NOVA1: variants seen among roughly 807,000 people sequenced by gnomAD.
NOVA1 encodes NOVA alternative splicing regulator 1, also known as RNA-binding protein Nova-1.
Under a neutral mutation model 38.0 loss-of-function variants are expected in NOVA1, and 7 were observed. That is an observed-to-expected ratio of 0.18 (90% CI 0.10 to 0.35). The LOEUF (loss-of-function observed/expected upper bound fraction) is 0.35. Among genes scored for constraint, NOVA1 ranks in the 10% least tolerant of loss-of-function variants. NOVA1 has a pLI of 1.00. For synonymous variants in NOVA1, 270 were observed against 232.5 expected, an observed-to-expected ratio of 1.16 and a Z score of -1.47; for missense variants, 460 against 616.0, an observed-to-expected ratio of 0.75 and a Z score of 2.68.
intron 2 of NOVA1, among the ~76,000 whole-genome samples, chr14:26,481,348 G>A (rs1012380344): frequency 1.8e-4 from 27 of 152,144 alleles, no homozygotes; most frequent in Middle Eastern, 3.4e-3. Flanking sequence ...GGACAAATTT[G>A]TGAAACTACA....
intron 2 of NOVA1, among the ~76,000 whole-genome samples, chr14:26,551,186 C>G (rs1297582446): frequency 6.6e-6 from 1 of 151,938 alleles, no homozygotes; most frequent in Non-Finnish European, 1.5e-5. Context: ...GAATTATACT[C>G]AAGAAACCCA....
intron 2 of NOVA1, among the ~76,000 whole-genome samples, chr14:26,494,890 A>G (rs1886641342): frequency 6.6e-6 from 1 of 152,160 alleles, no homozygotes; most frequent in South Asian, 2.1e-4. Flanking sequence ...TGTAAATATT[A>G]TGTAATTTAC....
At chr14:26,542,381 TAC>T (rs1255008744) in intron 2 of NOVA1, among the ~76,000 whole-genome samples, 3 of 151,982 alleles carry the variant, frequency 2.0e-5, no homozygotes, top group Middle Eastern at 3.4e-3. Flanking sequence ...TTTGCCTGAC[TAC>T]ATGTATTAAA....
At chr14:26,452,591 T>C (rs1008658637) in intron 4 of NOVA1, among the ~76,000 whole-genome samples, 1 of 152,244 alleles carries the variant, frequency 6.6e-6, no homozygotes, top group African/African-American at 2.4e-5. Context: ...TATACATGGA[T>C]TCATTTTCAC....
At chr14:26,577,532 G>A (rs1892936074) in intron 2 of NOVA1, among the ~76,000 whole-genome samples, 1 of 152,184 alleles carries the variant, frequency 6.6e-6, no homozygotes, top group Non-Finnish European at 1.5e-5. Flanking sequence ...ACACATAGCA[G>A]AGTGCATTTC....
chr14:26,579,760 A>G (rs768641220), intron 2 of NOVA1, among the ~76,000 whole-genome samples: 1 of 152,148 alleles, frequency 6.6e-6, no homozygotes. Flanking sequence ...GTGGCCTCTG[A>G]AAGATACGTT....
intron 2 of NOVA1, chr14:26,519,649 A>G (rs1250749618): frequency 6.6e-6 from 1 of 152,174 alleles, no homozygotes; most frequent in Non-Finnish European, 1.5e-5. Flanking sequence ...AATAGAATGT[A>G]TCTTCCTAAC....
intron 2 of NOVA1, among the ~76,000 whole-genome samples, chr14:26,585,887 C>A (rs1893486367): frequency 6.6e-6 from 1 of 151,238 alleles, no homozygotes; most frequent in South Asian, 2.1e-4. Context: ...TTTCTAAATT[C>A]ATTATTAAAG....
At chr14:26,574,983 G>C (rs534564450) in intron 2 of NOVA1, among the ~76,000 whole-genome samples, 1 of 152,026 alleles carries the variant, frequency 6.6e-6, no homozygotes, top group African/African-American at 2.4e-5. Flanking sequence ...TTTTTATGTT[G>C]AAAAAATCAT....
At chr14:26,473,238 G>T (rs1164537235) in intron 3 of NOVA1, among the ~76,000 whole-genome samples, 7 of 151,444 alleles carry the variant, frequency 4.6e-5, no homozygotes, top group Admixed American at 4.6e-4. Context: ...ATCTACACAT[G>T]TTGAACAATT....
At chr14:26,571,025 T>G (rs1290973063) in intron 2 of NOVA1, among the ~76,000 whole-genome samples, 4 of 152,014 alleles carry the variant, frequency 2.6e-5, no homozygotes. Context: ...CTCTTTACTA[T>G]GAATCCACAG....
At chr14:26,552,918 C>G (rs1340940387) in intron 2 of NOVA1, among the ~76,000 whole-genome samples, 1 of 152,114 alleles carries the variant, frequency 6.6e-6, no homozygotes, top group African/African-American at 2.4e-5. Context: ...TAGCAAAGCT[C>G]TGAGATAGGA....
rs1233116640 is a variant in NOVA1, at chr14:26,597,694, G to A, written c.-258C>T. 1 of 1,161,856 alleles carries A rather than the reference G, an allele frequency of 8.6e-7. No individual in the cohort carries two copies. Among genetic ancestry groups the A allele is most frequent in the Non-Finnish European group, 1.1e-6 (1 of 946,486 alleles). The allele number at this position is 1,161,856 out of a possible 1,614,324, so 72.0% of individuals were successfully genotyped here. On this transcript the variant is annotated 5_prime_UTR_variant, in exon 1 of 5. Coordinates refer to ENST00000539517, the MANE Select transcript of NOVA1 (RefSeq NM_002515.3). Reference sequence around the variant, plus strand: ...AGACAGGGGAATGGAGGGGGTGTGAGAGACGGAGGGTGAAAGAAGAAGAAG... The same window carrying A: ...AGACAGGGGAATGGAGGGGGTGTGAAAGACGGAGGGTGAAAGAAGAAGAAG...
intron 2 of NOVA1, among the ~76,000 whole-genome samples, chr14:26,484,428 G>GAAAAA (rs869087238): frequency 3.5e-5 from 2 of 56,436 alleles, no homozygotes; most frequent in African/African-American, 1.5e-4. Context: ...ACTCCGTCTC[G>GAAAAA]AAAAAAAAAA....
chr14:26,468,218 C>T (rs1884297786), intron 4 of NOVA1, among the ~76,000 whole-genome samples: 1 of 151,770 alleles, frequency 6.6e-6, no homozygotes, highest in African/African-American at 2.4e-5. Flanking sequence ...TGGAGAGGGA[C>T]GTGTGGCAGG....
At chr14:26,456,636 G>A (rs570183746) in intron 4 of NOVA1, among the ~76,000 whole-genome samples, 8 of 152,036 alleles carry the variant, frequency 5.3e-5, no homozygotes, top group South Asian at 4.1e-4. Flanking sequence ...ATTGGTGTCC[G>A]TATATATTGT....
intron 4 of NOVA1, among the ~76,000 whole-genome samples, chr14:26,465,099 T>A (rs1259627825): frequency 6.6e-6 from 1 of 152,196 alleles, no homozygotes; most frequent in Admixed American, 6.5e-5. Context: ...GACCTTCTTA[T>A]ATATTTCTGA....
intron 4 of NOVA1, among the ~76,000 whole-genome samples, chr14:26,449,490 G>A (rs1039304263): frequency 9.9e-5 from 15 of 152,080 alleles, no homozygotes; most frequent in South Asian, 2.1e-4. Context: ...TAATTTTTTT[G>A]TTATTAAAGA....
chr14:26,478,980 A>G (rs1176336997), intron 3 of NOVA1: 1 of 151,850 alleles, frequency 6.6e-6, no homozygotes, highest in African/African-American at 2.4e-5. Flanking sequence ...TTATCTATAT[A>G]TTGGTAAAAT....
Sources: allele counts gnomAD v4.1 joint callset (sites outside exome capture counted in the v4.1 genomes callset), GRCh38; gene constraint gnomAD v4.1.1; transcripts MANE v1.5; gene names NCBI Gene and HGNC (gene_info 2026-07-23, HGNC 2026-07-21).